The following ZSCAN5C variants were observed in gnomAD, a reference collection of about 807,000 sequenced individuals.
The protein encoded by ZSCAN5C is zinc finger and SCAN domain containing 5C, also known as zinc finger and SCAN domain-containing protein 5C.
In ZSCAN5C, 11 loss-of-function variants were observed where a neutral mutation model predicts 17.3. The observed-to-expected ratio is 0.64, with a 90% CI of 0.40 to 1.06. The LOEUF (loss-of-function observed/expected upper bound fraction) is 1.06. Among genes scored for constraint, ZSCAN5C ranks in the 50% least tolerant of loss-of-function variants. The probability of loss-of-function intolerance (pLI) is 0.00; values close to 1 mark genes in which losing one functional copy is unlikely to be tolerated. For missense variants in ZSCAN5C, 698 were observed against 538.9 expected (o/e 1.30, Z -2.92); for synonymous variants, 229 against 208.4 (o/e 1.10, Z -0.85).
At chr19:56,209,150 G>A in exon 5 of ZSCAN5C, 1 of 1,355,868 alleles carries the variant, frequency 7.4e-7, no homozygotes, top group Non-Finnish European at 1.0e-6. Flanking sequence ...CGGTCGGCCG[G>A]CGACCTTAAG....
exon 5 of ZSCAN5C, chr19:56,208,726 G>A (rs750608322): frequency 3.0e-5 from 49 of 1,612,078 alleles, no homozygotes; most frequent in East Asian, 2.7e-4. Context: ...CAGGCCCTGC[G>A]GGCCCAGTCA....
At position 56,207,267 on chromosome 19, in the gene ZSCAN5C, G is replaced by C. The variant is rs2032933754; in HGVS notation, c.588+5G>C. On this transcript the variant is annotated splice_donor_5th_base_variant and intron_variant, in intron 3 of 4. Transcript: ENST00000534327. ...CCTGCACTGTTCAGGAGGCAGGTGGGTGTGTGAGGCCTTGGTGTCTGGGCA... is the reference window on the plus strand; with the variant it reads ...CCTGCACTGTTCAGGAGGCAGGTGGCTGTGTGAGGCCTTGGTGTCTGGGCA... 1 of 773,926 alleles carries C rather than the reference G, an allele frequency of 1.3e-6. No individual in the cohort carries two copies. Among genetic ancestry groups the C allele is most frequent in the African/African-American group, 1.7e-5 (1 of 58,534 alleles). 47.9% of individuals were successfully genotyped at this position (773,926 alleles called of 1,614,324 possible). A position where few individuals can be genotyped will look rare whatever the true frequency, so the allele number is the denominator to read the frequency against.
chr19:56,208,572 G>A, exon 5 of ZSCAN5C: 1 of 1,593,378 alleles, frequency 6.3e-7, no homozygotes, highest in Non-Finnish European at 8.6e-7. Context: ...AGCGGGAGCA[G>A]AGGAGACGCT....
In ZSCAN5C at chr19:56,205,857, G is replaced by A; in HGVS notation, c.-57G>A. ...GGCCTGTGTATATAGGTCGCAATTAGACACCGGCTTCTGGAAGAGCTTTCC... is the reference window on the plus strand; with the variant it reads ...GGCCTGTGTATATAGGTCGCAATTAAACACCGGCTTCTGGAAGAGCTTTCC... On this transcript the variant is annotated 5_prime_UTR_variant, in exon 2 of 5. An upstream open reading frame in the 5' UTR loses its in-frame stop. Transcript: ENST00000534327. 1.3e-6 allele frequency: 1 copy of A among 769,238 alleles called. No individual in the cohort carries two copies. The highest frequency in any genetic ancestry group is 2.2e-6 in the Non-Finnish European group (1 of 450,120). 47.7% of individuals were successfully genotyped at this position (769,238 alleles called of 1,614,324 possible). A position where few individuals can be genotyped will look rare whatever the true frequency, so the allele number is the denominator to read the frequency against.
chr19:56,208,423 T>A, intron 4 of ZSCAN5C, 26 bp from the exon 5 acceptor site: 1 of 1,253,698 alleles, frequency 8.0e-7, no homozygotes, highest in South Asian at 1.2e-5. Flanking sequence ...CCTTATTAAC[T>A]GTGTGTGTGG....
At chr19:56,204,428 T>C (rs922561325) in intron 1 of ZSCAN5C, among the ~76,000 whole-genome samples, 5 of 151,684 alleles carry the variant, frequency 3.3e-5, no homozygotes, top group Admixed American at 6.6e-5. Flanking sequence ...GAGGGGTGCC[T>C]TGTGGTTTGG....
chr19:56,207,635 G>A (rs1002521137), intron 3 of ZSCAN5C, among the ~76,000 whole-genome samples: 1 of 151,868 alleles, frequency 6.6e-6, no homozygotes, highest in African/African-American at 2.4e-5. Flanking sequence ...TTAATTTGAG[G>A]AGTGTTTCTC....
chr19:56,203,928 C>T (rs11084432), intron 1 of ZSCAN5C, among the ~76,000 whole-genome samples: 22,733 of 151,728 alleles, frequency 0.15, 2,073 homozygotes, highest in Middle Eastern at 0.34. Flanking sequence ...GGATTACAGG[C>T]GTGAGCCACC....
exon 5 of ZSCAN5C, chr19:56,209,108 C>A (rs1177332512): frequency 8.9e-6 from 14 of 1,575,256 alleles, no homozygotes; most frequent in Admixed American, 3.4e-5. Context: ...TGGAGAGAAA[C>A]CCCACAAATG....
intron 1 of ZSCAN5C, among the ~76,000 whole-genome samples, chr19:56,203,171 C>T (rs1011376277): frequency 1.3e-5 from 2 of 151,764 alleles, no homozygotes; most frequent in Non-Finnish European, 2.9e-5. Flanking sequence ...CTCCTGGGCT[C>T]GAGGGATCCT....
At position 56,205,856 on chromosome 19, in the gene ZSCAN5C, A is replaced by T; in HGVS notation, c.-58A>T. 1 of 761,858 alleles carries T rather than the reference A, an allele frequency of 1.3e-6. No homozygotes were observed. The highest frequency in any genetic ancestry group is 2.3e-6 in the Non-Finnish European group (1 of 444,176). The allele number at this position is 761,858 out of a possible 1,614,324, so 47.2% of individuals were successfully genotyped here. On this transcript the variant is annotated 5_prime_UTR_variant, in exon 2 of 5. It removes the in-frame stop codon of an upstream open reading frame in the 5' UTR. Coordinates refer to ENST00000534327, the Ensembl canonical transcript of ZSCAN5C. ...TGGCCTGTGTATATAGGTCGCAATTAGACACCGGCTTCTGGAAGAGCTTTC... is the reference window on the plus strand; with the variant it reads ...TGGCCTGTGTATATAGGTCGCAATTTGACACCGGCTTCTGGAAGAGCTTTC...
exon 3 of ZSCAN5C, chr19:56,207,216 A>G (rs4801690): frequency 0.47 from 365,908 of 777,048 alleles, 90,578 homozygotes; most frequent in African/African-American, 0.7. Flanking sequence ...CAGGCCAGCC[A>G]AGAGCTGCAG....
chr19:56,206,538 C>A (rs982212665), intron 2 of ZSCAN5C, among the ~76,000 whole-genome samples: 1 of 151,902 alleles, frequency 6.6e-6, no homozygotes, highest in African/African-American at 2.4e-5. Flanking sequence ...GACAAATAAT[C>A]TTCCAGATTC....
intron 2 of ZSCAN5C, 22 bp from the exon 3 acceptor site, chr19:56,207,037 A>C (rs1470737752): frequency 1.4e-6 from 1 of 702,646 alleles, no homozygotes; most frequent in Non-Finnish European, 2.6e-6. Context: ...AGTTAGTCTG[A>C]TTGCTTTTTT....
rs1568591117 is a variant in ZSCAN5C, at chr19:56,207,482, G to GGGGT, written c.588+221_588+224dup. Among the ~76,000 whole-genome samples, 77 of 151,290 alleles carry GGGGT rather than the reference G, an allele frequency of 5.1e-4. 4 individuals carry two copies. The highest frequency in any genetic ancestry group is 1.7e-3 in the African/African-American group (71 of 40,902). ...TGAGAGCTTTTAGCATGTAGGGTGG[G>GGGGT]GGGTAAGAAATGGTCTCGGTGAAAT... On this transcript the variant is annotated intron_variant, in intron 3 of 4. Coordinates refer to ENST00000534327, the Ensembl canonical transcript of ZSCAN5C.
In ZSCAN5C at chr19:56,205,907, A is replaced by G. The variant is rs545583792; in HGVS notation, c.-7A>G. 8.2e-5 allele frequency: 89 copies of G among 1,086,192 alleles called. No individual in the cohort carries two copies. The East Asian group carries it at 1.4e-3, about 17-fold the overall frequency. The allele number at this position is 1,086,192 out of a possible 1,614,324, so 67.3% of individuals were successfully genotyped here. On this transcript the variant is annotated 5_prime_UTR_variant, in exon 2 of 5. Transcript: ENST00000534327. Reference sequence around the variant, plus strand: ...CCAGAGACAGATTGAAATATTCCCCAGTAGACATGGCTGCAAATTGCACAT... The same window carrying G: ...CCAGAGACAGATTGAAATATTCCCCGGTAGACATGGCTGCAAATTGCACAT...
intron 3 of ZSCAN5C, among the ~76,000 whole-genome samples, chr19:56,207,594 G>A (rs1011489179): frequency 3.3e-5 from 5 of 151,820 alleles, no homozygotes; most frequent in Non-Finnish European, 5.9e-5. Context: ...TAATTCAGCA[G>A]GGAACTCACC....
chr19:56,204,253 A>C (rs2032898929), intron 1 of ZSCAN5C, among the ~76,000 whole-genome samples: 2 of 150,618 alleles, frequency 1.3e-5, no homozygotes, highest in African/African-American at 5.0e-5. Context: ...TTGCCGGCTC[A>C]TGCAGTTGTT....
At chr19:56,207,845 A>G (rs955679181) in intron 3 of ZSCAN5C, among the ~76,000 whole-genome samples, 189 bp from the exon 4 acceptor site, 3 of 151,868 alleles carry the variant, frequency 2.0e-5, no homozygotes, top group African/African-American at 7.3e-5. Context: ...ACCTAGAGTC[A>G]TGCTCCTTCC....
Sources: allele counts gnomAD v4.1 joint callset (sites outside exome capture counted in the v4.1 genomes callset), GRCh38; gene constraint gnomAD v4.1.1; transcripts MANE v1.5; gene names NCBI Gene and HGNC (gene_info 2026-07-23, HGNC 2026-07-21).